Variants in OR7E24 observed in about 807,000 individuals in gnomAD.
OR7E24 encodes olfactory receptor 7E24.
For missense variants in OR7E24, 385 were observed against 410.3 expected, an observed-to-expected ratio of 0.94 and a Z score of 0.53; for synonymous variants, 130 against 157.5, an observed-to-expected ratio of 0.83 and a Z score of 1.31.
chr19:9,215,412 C>T, the OR7E24 span, among the ~76,000 whole-genome samples: 5 of 149,002 alleles, frequency 3.4e-5, 1 homozygote, highest in Admixed American at 3.4e-4. Context: ...CCATTTGTAT[C>T]TATGAACTTA....
upstream of OR7E24, among the ~76,000 whole-genome samples, chr19:9,250,498 T>C (rs1163367187): frequency 6.6e-6 from 1 of 152,196 alleles, no homozygotes; most frequent in Non-Finnish European, 1.5e-5. Context: ...CTTACTTCCA[T>C]GAAGAATGAA....
At chr19:9,214,445 G>C in the OR7E24 span, 51 of 1,614,042 alleles carry the variant, frequency 3.2e-5, no homozygotes, top group South Asian at 2.5e-4. Context: ...TGACCGTGTA[G>C]TGCAGTGGGT....
chr19:9,237,117 G>T, the OR7E24 span, among the ~76,000 whole-genome samples: 3 of 152,172 alleles, frequency 2.0e-5, no homozygotes, highest in South Asian at 6.2e-4. Flanking sequence ...TTCACAGGCT[G>T]GTTCATTCAT....
the OR7E24 span, chr19:9,211,414 T>C: frequency 6.6e-6 from 1 of 152,208 alleles, no homozygotes; most frequent in Non-Finnish European, 1.5e-5. Context: ...CATAGATCAA[T>C]CAGACAGAAA....
rs1326825627 is a variant in OR7E24 at position 9,251,909 on chromosome 19, G to T, written c.866G>T (p.Ser289Ile). Reference sequence around the variant, plus strand: ...GCTGTGTTACCATCCCCCAGGAAGAGTATGGTGGCTTCAGTGATGTACACT... The same window carrying T: ...GCTGTGTTACCATCCCCCAGGAAGATTATGGTGGCTTCAGTGATGTACACT... ...SSAVLPSPRKSMVASVMYTVV... is the reference protein window; with the variant it reads ...SSAVLPSPRKIMVASVMYTVV... Residue 289 changes from serine (S) to isoleucine (I), a missense_variant, in exon 1 of 1, where the codon AGT becomes ATT. Physicochemically the swap from Ser to Ile is moderately radical, Grantham distance 142. Coordinates refer to ENST00000456448, the MANE Select transcript of OR7E24 (RefSeq NM_001079935.2). 3 of 1,614,160 alleles carry T rather than the reference G, an allele frequency of 1.9e-6. No individual in the cohort carries two copies. The highest frequency in any genetic ancestry group is 8.5e-7 in the Non-Finnish European group (1 of 1,180,026).
the OR7E24 span, chr19:9,213,207 A>T: frequency 6.6e-6 from 1 of 152,222 alleles, no homozygotes; most frequent in Non-Finnish European, 1.5e-5. Context: ...AGGAACATCA[A>T]CATTCAACAG....
the OR7E24 span, among the ~76,000 whole-genome samples, chr19:9,223,734 CT>C: frequency 0.33 from 45,047 of 135,514 alleles, 7,952 homozygotes; most frequent in African/African-American, 0.49. Flanking sequence ...TTTTTCTCTT[CT>C]TTTTTTTTTT....
the OR7E24 span, among the ~76,000 whole-genome samples, chr19:9,226,785 A>G: frequency 1.8e-3 from 276 of 152,344 alleles, 2 homozygotes; most frequent in Non-Finnish European, 2.5e-4. Context: ...TTAGAAGCCA[A>G]GACCTCTAAA....
chr19:9,247,894 G>A (rs1419205133), upstream of OR7E24, among the ~76,000 whole-genome samples: 10 of 152,204 alleles, frequency 6.6e-5, no homozygotes, highest in East Asian at 1.9e-3. Flanking sequence ...CTCATTGGCT[G>A]TTTGTATATG....
the OR7E24 span, among the ~76,000 whole-genome samples, chr19:9,227,298 C>T: frequency 3.3e-5 from 5 of 151,716 alleles, no homozygotes; most frequent in East Asian, 3.9e-4. Flanking sequence ...GGCACGATCT[C>T]GGCTCACTGC....
chr19:9,224,323 AC>A, the OR7E24 span, among the ~76,000 whole-genome samples: 1 of 152,094 alleles, frequency 6.6e-6, no homozygotes, highest in South Asian at 2.1e-4. Flanking sequence ...GGTCATTGGT[AC>A]CCCGTCATCA....
At chr19:9,248,629 A>AC (rs1294694075), upstream of OR7E24, among the ~76,000 whole-genome samples, 1 of 152,156 alleles carries the variant, frequency 6.6e-6, no homozygotes, top group Non-Finnish European at 1.5e-5. Context: ...AGCTGAGATC[A>AC]CATCAAAGAT....
chr19:9,207,103 C>T, the OR7E24 span: 1 of 152,176 alleles, frequency 6.6e-6, no homozygotes. Flanking sequence ...TATCCTTCAG[C>T]AATATACAGA....
chr19:9,221,095 A>G, the OR7E24 span, among the ~76,000 whole-genome samples: 1 of 151,336 alleles, frequency 6.6e-6, no homozygotes, highest in Non-Finnish European at 1.5e-5. Flanking sequence ...TAAAGGTGAA[A>G]CCCCGTCCCT....
At chr19:9,229,707 A>G in the OR7E24 span, among the ~76,000 whole-genome samples, 1 of 152,166 alleles carries the variant, frequency 6.6e-6, no homozygotes, top group East Asian at 1.9e-4. Flanking sequence ...TCTTCTTTGT[A>G]TCCTAAGGGA....
chr19:9,236,251 A>G, the OR7E24 span: 3 of 534,970 alleles, frequency 5.6e-6, no homozygotes, highest in Non-Finnish European at 1.0e-5. Context: ...GGTGGCTTAC[A>G]CCTGTAATCG....
chr19:9,251,429 A>G lies in OR7E24; in HGVS notation c.386A>G (p.Asp129Gly), dbSNP rs2066147040. The G allele has an allele frequency of 6.2e-7, 1 of 1,614,100 alleles. No homozygotes were observed. Among genetic ancestry groups the G allele is most frequent in the African/African-American group, 1.3e-5 (1 of 75,020 alleles). Residue 129 changes from aspartate (D) to glycine (G), a missense_variant, in exon 1 of 1, where the codon GAT (aspartate) becomes GGT (glycine). Coordinates refer to ENST00000456448, the MANE Select transcript of OR7E24 (RefSeq NM_001079935.2). ...TTTTTTGTCCTTTTTGCATGTATGG[A>G]TGACATGCTCCTGAGTGTGATGGCC... is the stretch of plus-strand genomic sequence containing the variant. ...MSFFVLFACM[D>G]DMLLSVMAYD... is the part of the protein sequence containing the mutation.
the OR7E24 span, chr19:9,219,112 A>T: frequency 6.6e-6 from 1 of 152,152 alleles, no homozygotes; most frequent in Admixed American, 6.6e-5. Context: ...TCCCCAGACC[A>T]CTCTGGGTCT....
chr19:9,242,579 T>C (rs1052485455), upstream of OR7E24, among the ~76,000 whole-genome samples: 1 of 152,198 alleles, frequency 6.6e-6, no homozygotes, highest in Non-Finnish European at 1.5e-5. Flanking sequence ...ATGTCTTTTC[T>C]CATTCACCTT....
Sources: allele counts gnomAD v4.1 joint callset (sites outside exome capture counted in the v4.1 genomes callset), GRCh38; gene constraint gnomAD v4.1.1; transcripts MANE v1.5; gene names NCBI Gene and HGNC (gene_info 2026-07-23, HGNC 2026-07-21).